The following RAB6B variants were observed in gnomAD, a reference collection of about 807,000 sequenced individuals.
RAB6B encodes ras-related protein Rab-6B.
A neutral mutation model predicts 31.2 loss-of-function variants in RAB6B; 7 were observed. The ratio of observed to expected loss-of-function variants is 0.22; its 90% CI spans 0.13 to 0.42. RAB6B has a LOEUF of 0.42. Ranked by LOEUF, RAB6B falls within the 10% of genes least tolerant of loss-of-function variation. RAB6B has a pLI of 1.00. For synonymous variants in RAB6B, 105 were observed against 104.9 expected (o/e 1.00, Z -0.01); for missense variants, 149 against 280.6 (o/e 0.53, Z 3.35).
chr3:133,843,156 G>A (rs1935860294), intron 2 of RAB6B, among the ~76,000 whole-genome samples: 3 of 152,232 alleles, frequency 2.0e-5, no homozygotes, highest in African/African-American at 7.2e-5. Context: ...ACGCTCTGGA[G>A]CATACGATGC....
intron 1 of RAB6B, among the ~76,000 whole-genome samples, chr3:133,882,752 G>A (rs1418631867): frequency 6.6e-6 from 1 of 152,218 alleles, no homozygotes; most frequent in African/African-American, 2.4e-5. Context: ...TGGTCTTCTT[G>A]CTACATGATA....
At chr3:133,873,433 C>T (rs1936352861) in intron 1 of RAB6B, among the ~76,000 whole-genome samples, 1 of 152,164 alleles carries the variant, frequency 6.6e-6, no homozygotes, top group Non-Finnish European at 1.5e-5. Flanking sequence ...GAGGCTCCAC[C>T]TTTAACACAA....
intron 1 of RAB6B, among the ~76,000 whole-genome samples, chr3:133,879,513 C>T (rs1936438704): frequency 1.3e-5 from 2 of 152,206 alleles, no homozygotes; most frequent in Admixed American, 1.3e-4. Flanking sequence ...GTGTAACCAC[C>T]ATGTCTGCAC....
At chr3:133,838,900 C>T (rs986038582) in intron 5 of RAB6B, among the ~76,000 whole-genome samples, 7 of 152,226 alleles carry the variant, frequency 4.6e-5, no homozygotes, top group African/African-American at 1.7e-4. Flanking sequence ...ACTTTATCTG[C>T]CCAAGTCAGG....
chr3:133,841,761 G>C (rs1003282935), intron 2 of RAB6B, 98 bp from the exon 3 acceptor site: 1 of 1,219,870 alleles, frequency 8.2e-7, no homozygotes, highest in African/African-American at 1.5e-5. Flanking sequence ...AGCAAGAGGG[G>C]ACGCTCATGT....
In RAB6B at chr3:133,827,995, C is replaced by CTGA. The variant is rs1441435370; in HGVS notation, c.*790_*792dup. 6 of 702,812 alleles carry CTGA rather than the reference C, an allele frequency of 8.5e-6. No homozygotes were observed. The East Asian group carries it at 1.6e-4, about 19-fold the overall frequency. 43.5% of individuals were successfully genotyped at this position (702,812 alleles called of 1,614,324 possible). On this transcript the variant is annotated 3_prime_UTR_variant, in exon 8 of 8. Transcript: ENST00000285208. ...CAATTGCCAACAGCACCTCGTCCTT[C>CTGA]TGATGGCCTCTTGCTCTGCCAGTCC...
chr3:133,895,295 GA>G (rs1936692542), intron 1 of RAB6B, 101 bp downstream of exon 1: 2 of 1,293,598 alleles, frequency 1.5e-6, no homozygotes. Context: ...CCCTGGCAAG[GA>G]GGGGCCTTTC....
rs753181402 is a variant in RAB6B at position 133,834,669 on chromosome 3, A to AC, written c.496-29dup. The AC allele has an allele frequency of 7.0e-5, 113 of 1,608,904 alleles. No individual in the cohort carries two copies. In the East Asian group the frequency reaches 1.2e-3, roughly 17 times the overall value. The stretch of plus-strand genomic sequence containing the variant: ...GGAAAGATGAAGAAATGCAGTGTGA[A>AC]CCCCAACCCTGGCCCTCCCCTCTGC... On this transcript the variant is annotated intron_variant, in intron 6 of 7. Transcript: ENST00000285208.
intron 2 of RAB6B, among the ~76,000 whole-genome samples, chr3:133,858,280 A>C (rs984850820): frequency 1.3e-5 from 2 of 152,250 alleles, no homozygotes; most frequent in African/African-American, 2.4e-5. Flanking sequence ...AAATGACTAT[A>C]ATTATAATGA....
chr3:133,839,583 G>A lies in RAB6B; in HGVS notation c.324C>T (p.Ile108=), dbSNP rs201173392. The part of the protein sequence containing the change: ...LNSFQQTSKW[I]DDVRTERGSD... ...TGCCCCTCTCTGTCCTGACGTCGTCGATCCACTTAGAGGTCTGTTGGAAGG... is the reference window on the plus strand; with the variant it reads ...TGCCCCTCTCTGTCCTGACGTCGTCAATCCACTTAGAGGTCTGTTGGAAGG... The change falls in exon 5 of 8, where the codon ATC becomes ATT. Residue 108 remains isoleucine (I), a synonymous_variant. Transcript: ENST00000285208. 165 of 1,614,120 alleles carry A rather than the reference G, an allele frequency of 1.0e-4. 2 individuals carry two copies. In the Admixed American group the frequency reaches 2.5e-3, roughly 25 times the overall value.
At chr3:133,883,031 T>A (rs748948383) in intron 1 of RAB6B, among the ~76,000 whole-genome samples, 1 of 152,156 alleles carries the variant, frequency 6.6e-6, no homozygotes, top group Non-Finnish European at 1.5e-5. Flanking sequence ...GGGAGTGGTT[T>A]CTCCCCCAAA....
chr3:133,864,067 C>T (rs987060447), intron 2 of RAB6B, among the ~76,000 whole-genome samples: 5 of 150,978 alleles, frequency 3.3e-5, no homozygotes, highest in African/African-American at 1.2e-4. Flanking sequence ...CCATGTAGGG[C>T]AGGGCAAGCT....
chr3:133,831,089 T>TA (rs1252694355), intron 7 of RAB6B, among the ~76,000 whole-genome samples: 4 of 152,206 alleles, frequency 2.6e-5, no homozygotes, highest in Admixed American at 2.6e-4. Context: ...CTACGACCAC[T>TA]AAAACAATCT....
chr3:133,884,157 C>T (rs545964580), intron 1 of RAB6B, among the ~76,000 whole-genome samples: 2 of 152,360 alleles, frequency 1.3e-5, no homozygotes, highest in African/African-American at 4.8e-5. Context: ...CATGCACCAG[C>T]TACACTGGCA....
At chr3:133,872,276 G>A (rs1006057773) in intron 1 of RAB6B, among the ~76,000 whole-genome samples, 1 of 152,272 alleles carries the variant, frequency 6.6e-6, no homozygotes, top group South Asian at 2.1e-4. Context: ...TAGAACAGAA[G>A]TGGGAATTGC....
chr3:133,847,025 T>C (rs1285591608), intron 2 of RAB6B, among the ~76,000 whole-genome samples: 2 of 152,208 alleles, frequency 1.3e-5, no homozygotes, highest in Non-Finnish European at 2.9e-5. Context: ...GCACCAGAAA[T>C]GGCAAATCTA....
chr3:133,854,182 C>T (rs2107997964), intron 2 of RAB6B, among the ~76,000 whole-genome samples: 1 of 152,368 alleles, frequency 6.6e-6, no homozygotes, highest in South Asian at 2.1e-4. Context: ...TCCCTACAAA[C>T]ATCTCAATAA....
intron 6 of RAB6B, among the ~76,000 whole-genome samples, chr3:133,835,456 C>A (rs142346037): frequency 3.5e-5 from 5 of 144,786 alleles, no homozygotes; most frequent in African/African-American, 7.9e-5. Flanking sequence ...TGTGTGTCTG[C>A]GTACATGTGG....
chr3:133,889,254 A>G (rs1936596424), intron 1 of RAB6B, among the ~76,000 whole-genome samples: 1 of 151,890 alleles, frequency 6.6e-6, no homozygotes, highest in Admixed American at 6.6e-5. Context: ...TGGATGGGAT[A>G]CAAATGTTAC....
Sources: gnomAD v4.1 joint callset for allele counts (sites outside exome capture counted in the v4.1 genomes callset) on GRCh38, gnomAD v4.1.1 for gene constraint, MANE v1.5 for transcripts, NCBI Gene and HGNC (gene_info 2026-07-23, HGNC 2026-07-21) for gene names.